The following CNTNAP2 variants were observed in gnomAD, a reference collection of about 807,000 sequenced individuals.
The protein encoded by CNTNAP2 is contactin associated protein 2.
A neutral mutation model predicts 155.2 loss-of-function variants in CNTNAP2; 98 were observed. The observed-to-expected ratio is 0.63, with a 90% CI of 0.54 to 0.75. The LOEUF (loss-of-function observed/expected upper bound fraction) is 0.75, where lower values mean the gene tolerates loss of function less well. CNTNAP2 is among the 30% of genes least tolerant of loss of function. The pLI is 0.00. For missense variants in CNTNAP2, 1,727 were observed against 1,688.1 expected (o/e 1.02, Z -0.40); for synonymous variants, 651 against 631.2 (o/e 1.03, Z -0.47).
intron 3 of CNTNAP2, among the ~76,000 whole-genome samples, chr7:146,876,046 C>T (rs980029528): frequency 1.3e-5 from 2 of 151,414 alleles, no homozygotes; most frequent in Non-Finnish European, 2.9e-5. Flanking sequence ...CTTTTGGCTT[C>T]CCTCCTCTCT....
intron 1 of CNTNAP2, among the ~76,000 whole-genome samples, chr7:146,618,281 A>G (rs942231119): frequency 2.0e-5 from 3 of 152,156 alleles, no homozygotes; most frequent in African/African-American, 4.8e-5. Context: ...TCATAGTAAA[A>G]TTACAAAATT....
intron 1 of CNTNAP2, among the ~76,000 whole-genome samples, chr7:146,300,122 G>C (rs1800581093): frequency 6.6e-6 from 1 of 152,142 alleles, no homozygotes; most frequent in Non-Finnish European, 1.5e-5. Flanking sequence ...AGGACTTGGA[G>C]TAATTTTGGC....
At chr7:146,250,592 G>A (rs1046581445) in intron 1 of CNTNAP2, among the ~76,000 whole-genome samples, 1 of 152,068 alleles carries the variant, frequency 6.6e-6, no homozygotes. Context: ...CTGCTTACCC[G>A]TGGCCATGGT....
intron 1 of CNTNAP2, among the ~76,000 whole-genome samples, chr7:146,180,186 C>G (rs73737998): frequency 0.027 from 4,156 of 152,256 alleles, 190 homozygotes; most frequent in African/African-American, 0.096. Flanking sequence ...AATTCACAGC[C>G]TCTTTGACTA....
intron 3 of CNTNAP2, among the ~76,000 whole-genome samples, chr7:146,899,360 T>C (rs1449205154): frequency 1.3e-5 from 2 of 152,140 alleles, no homozygotes; most frequent in Admixed American, 6.5e-5. Context: ...CATACTCAAA[T>C]CGCATTCATT....
intron 9 of CNTNAP2, among the ~76,000 whole-genome samples, chr7:147,394,668 C>G (rs1796780273): frequency 6.6e-6 from 1 of 151,776 alleles, no homozygotes; most frequent in South Asian, 2.1e-4. Flanking sequence ...GTGTTTCTAT[C>G]CAATTATGCA....
rs547914533 is a variant in CNTNAP2, at chr7:146,859,745, T to C, written c.402+19841T>C. Among the ~76,000 whole-genome samples, 48 of 151,868 alleles carry C rather than the reference T, an allele frequency of 3.2e-4. 2 individuals carry two copies. In the Middle Eastern group the frequency reaches 0.017, roughly 55 times the overall value. ...TAATTCCACCTCCAACCCAACTCAA[T>C]TGAAAACAAAAATACAGGAACCACA... is the stretch of plus-strand genomic sequence containing the variant. On this transcript the variant is annotated intron_variant, in intron 3 of 23. Coordinates refer to ENST00000361727, the MANE Select transcript of CNTNAP2 (RefSeq NM_014141.6).
At chr7:147,464,723 T>A (rs941389712) in intron 10 of CNTNAP2, among the ~76,000 whole-genome samples, 5 of 152,176 alleles carry the variant, frequency 3.3e-5, no homozygotes, top group Admixed American at 6.5e-5. Flanking sequence ...AATTTAAAAA[T>A]TTAAAGCAAC....
chr7:148,125,168 G>A (rs1180926197), intron 16 of CNTNAP2, among the ~76,000 whole-genome samples: 1 of 151,858 alleles, frequency 6.6e-6, no homozygotes, highest in African/African-American at 2.4e-5. Context: ...AGAAGACATG[G>A]CCCCATCCCA....
intron 9 of CNTNAP2, among the ~76,000 whole-genome samples, chr7:147,362,092 G>A (rs1796157073): frequency 6.6e-6 from 1 of 152,146 alleles, no homozygotes; most frequent in African/African-American, 2.4e-5. Flanking sequence ...ATATAACAGT[G>A]CAGGGCTCCA....
chr7:146,122,360 G>T (rs1002533321), intron 1 of CNTNAP2, among the ~76,000 whole-genome samples: 1 of 152,118 alleles, frequency 6.6e-6, no homozygotes, highest in Non-Finnish European at 1.5e-5. Context: ...GAATCCCACT[G>T]TATCACACAT....
At chr7:146,296,390 T>C (rs1800514957) in intron 1 of CNTNAP2, among the ~76,000 whole-genome samples, 1 of 152,098 alleles carries the variant, frequency 6.6e-6, no homozygotes, top group African/African-American at 2.4e-5. Context: ...GTCTCCTCCT[T>C]TGGCTGCCCT....
At chr7:146,531,598 T>C (rs1332179495) in intron 1 of CNTNAP2, among the ~76,000 whole-genome samples, 1 of 152,126 alleles carries the variant, frequency 6.6e-6, no homozygotes, top group African/African-American at 2.4e-5. Flanking sequence ...CAGGCTGGAG[T>C]GCAATGGCAT....
chr7:148,384,475 G>C (rs963197913), intron 22 of CNTNAP2, among the ~76,000 whole-genome samples: 1 of 152,184 alleles, frequency 6.6e-6, no homozygotes, highest in Non-Finnish European at 1.5e-5. Context: ...TGGATGAAAA[G>C]AGTATACACA....
At chr7:147,188,413 G>T (rs560380211) in intron 8 of CNTNAP2, among the ~76,000 whole-genome samples, 1 of 152,302 alleles carries the variant, frequency 6.6e-6, no homozygotes. Context: ...TTTTGTGGCA[G>T]GTAATAGTAA....
At chr7:146,169,646 C>G (rs1178482984) in intron 1 of CNTNAP2, among the ~76,000 whole-genome samples, 1 of 151,494 alleles carries the variant, frequency 6.6e-6, no homozygotes, top group Non-Finnish European at 1.5e-5. Context: ...GATCCCCTGA[C>G]AACCACCCTT....
intron 3 of CNTNAP2, among the ~76,000 whole-genome samples, chr7:146,852,497 T>C (rs1041954572): frequency 4.6e-5 from 7 of 152,210 alleles, no homozygotes. Context: ...AAGAAATGTT[T>C]GGCCTTAAAA....
chr7:147,780,849 G>T (rs1207940698), intron 13 of CNTNAP2, among the ~76,000 whole-genome samples: 2 of 152,204 alleles, frequency 1.3e-5, no homozygotes, highest in Non-Finnish European at 2.9e-5. Flanking sequence ...TTTGTTGAAT[G>T]TGAAAGACTT....
intron 11 of CNTNAP2, among the ~76,000 whole-genome samples, chr7:147,520,584 A>T (rs907717569): frequency 1.3e-5 from 2 of 152,208 alleles, no homozygotes; most frequent in Admixed American, 6.5e-5. Context: ...TCCGTGGAGG[A>T]GGAACACAGG....
Sources: gnomAD v4.1 joint callset for allele counts (sites outside exome capture counted in the v4.1 genomes callset) on GRCh38, gnomAD v4.1.1 for gene constraint, MANE v1.5 for transcripts, NCBI Gene and HGNC (gene_info 2026-07-23, HGNC 2026-07-21) for gene names.